Variants in MACF1 observed in about 807,000 individuals in gnomAD.
MACF1 encodes microtubule-actin cross-linking factor 1.
A neutral mutation model predicts 854.8 loss-of-function variants in MACF1; 193 were observed. The observed-to-expected ratio is 0.23, with a 90% CI of 0.20 to 0.25. The LOEUF (loss-of-function observed/expected upper bound fraction) is 0.25. MACF1 is among the 10% of genes least tolerant of loss of function. MACF1 has a pLI of 1.00. For synonymous variants in MACF1, 3,185 were observed against 3,226.7 expected (o/e 0.99, Z 0.44); for missense variants, 7,722 against 8,929.1 (o/e 0.86, Z 5.45).
intron 24 of MACF1, 105 bp downstream of exon 24, chr1:39,309,801 A>C: frequency 8.0e-7 from 1 of 1,250,736 alleles, no homozygotes; most frequent in Non-Finnish European, 1.1e-6. Flanking sequence ...AATGGAGTAA[A>C]GTGGACTCAG....
intron 2 of MACF1, among the ~76,000 whole-genome samples, chr1:39,199,495 G>C (rs1210397375): frequency 6.6e-6 from 1 of 151,902 alleles, no homozygotes; most frequent in African/African-American, 2.4e-5. Context: ...AAAAAAGACA[G>C]AAAAAGCTCA....
intron 74 of MACF1, 37 bp downstream of exon 74, chr1:39,441,362 G>C (rs1329994116): frequency 1.3e-6 from 2 of 1,547,764 alleles, no homozygotes; most frequent in Non-Finnish European, 8.9e-7. Context: ...GGAAATACAG[G>C]TTCTGTTTTT....
chr1:39,140,117 C>G (rs1175961607), intron 2 of MACF1, among the ~76,000 whole-genome samples: 1 of 151,946 alleles, frequency 6.6e-6, no homozygotes, highest in Non-Finnish European at 1.5e-5. Context: ...CTACACCCAG[C>G]TAAATTTTTG....
intron 58 of MACF1, among the ~76,000 whole-genome samples, chr1:39,420,864 A>AT (rs922511626): frequency 0.12 from 15,497 of 133,226 alleles, 1,389 homozygotes; most frequent in African/African-American, 0.23. Flanking sequence ...GAGAAACCCA[A>AT]TTTTTTTTTT....
intron 2 of MACF1, chr1:39,103,110 A>C: frequency 1.9e-6 from 1 of 534,550 alleles, no homozygotes. Flanking sequence ...CCACAACCTA[A>C]AGCAGAAGTT....
intron 2 of MACF1, among the ~76,000 whole-genome samples, chr1:39,232,900 A>G (rs1209052974): frequency 6.6e-6 from 1 of 151,978 alleles, no homozygotes; most frequent in East Asian, 1.9e-4. Context: ...CTCCCACCTC[A>G]TCCTCCTGAG....
intron 2 of MACF1, among the ~76,000 whole-genome samples, chr1:39,166,527 G>T (rs1643884864): frequency 6.6e-6 from 1 of 151,864 alleles, no homozygotes; most frequent in Non-Finnish European, 1.5e-5. Flanking sequence ...TGCGATCTTG[G>T]CTCACTGCAA....
intron 2 of MACF1, among the ~76,000 whole-genome samples, chr1:39,110,129 A>G (rs1428377896): frequency 1.3e-5 from 2 of 151,804 alleles, no homozygotes; most frequent in South Asian, 4.1e-4. Flanking sequence ...ATTGGAAAAT[A>G]TGGGTTGAGG....
chr1:39,429,688 G>C, intron 64 of MACF1, 139 bp from the exon 65 acceptor site: 1 of 823,802 alleles, frequency 1.2e-6, no homozygotes, highest in Admixed American at 2.4e-5. Context: ...TTTGCCCTTA[G>C]TATGGGATAG....
chr1:39,191,413 T>C (rs558161634), intron 2 of MACF1, among the ~76,000 whole-genome samples: 102 of 152,334 alleles, frequency 6.7e-4, no homozygotes, highest in African/African-American at 2.4e-3. Flanking sequence ...TAGATTCATG[T>C]CTGAAGGATT....
chr1:39,093,418 G>A (rs1353210847), intron 2 of MACF1, among the ~76,000 whole-genome samples: 1 of 149,246 alleles, frequency 6.7e-6, no homozygotes, highest in East Asian at 2.0e-4. Flanking sequence ...TGGGTTCAAG[G>A]GATTCTCCTG....
At chr1:39,330,381 G>A (rs1218981554) in intron 36 of MACF1, among the ~76,000 whole-genome samples, 8 of 152,156 alleles carry the variant, frequency 5.3e-5, no homozygotes, top group Non-Finnish European at 8.8e-5. Context: ...GAGCTTCTGG[G>A]CTGCATAAAT....
chr1:39,089,347 T>C (rs930512948), intron 2 of MACF1, among the ~76,000 whole-genome samples: 1 of 152,212 alleles, frequency 6.6e-6, no homozygotes. Context: ...GGGGTTAAGC[T>C]ATGTGCCAGT....
At chr1:39,101,229 C>A (rs528831483) in intron 2 of MACF1, among the ~76,000 whole-genome samples, 2 of 151,424 alleles carry the variant, frequency 1.3e-5, no homozygotes, top group Non-Finnish European at 2.9e-5. Flanking sequence ...TGGTGGCAGG[C>A]GCCTGTAATC....
At chr1:39,163,789 T>C (rs979166573) in intron 2 of MACF1, among the ~76,000 whole-genome samples, 3 of 152,170 alleles carry the variant, frequency 2.0e-5, no homozygotes, top group Non-Finnish European at 1.5e-5. Flanking sequence ...AATTCTTTTT[T>C]TAAGGGGGTG....
At chr1:39,106,672 T>G (rs1186854687) in intron 2 of MACF1, among the ~76,000 whole-genome samples, 1 of 152,148 alleles carries the variant, frequency 6.6e-6, no homozygotes, top group Admixed American at 6.5e-5. Context: ...GACTAGGCCC[T>G]TAGTTTCTTT....
chr1:39,130,431 G>C (rs1009668425), intron 2 of MACF1, among the ~76,000 whole-genome samples: 12 of 152,196 alleles, frequency 7.9e-5, no homozygotes, highest in Admixed American at 5.9e-4. Context: ...CTATGGGAAT[G>C]ATGTGAGTTT....
rs1199760042 is a variant in MACF1 at position 39,182,902 on chromosome 1, T to C, written c.221-48280T>C. Among the ~76,000 whole-genome samples the C allele has an allele frequency of 3.3e-5, 5 of 152,292 alleles. No homozygotes were observed. In the East Asian group the frequency reaches 9.7e-4, roughly 29 times the overall value. On this transcript the variant is annotated intron_variant, in intron 2 of 93. Coordinates refer to the MACF1 transcript ENST00000361689. ...CATATATTCATAGAAAACTCGTACATAAATGTTCATAGCAGCATTATTCAT... is the reference window on the plus strand; with the variant it reads ...CATATATTCATAGAAAACTCGTACACAAATGTTCATAGCAGCATTATTCAT...
At position 39,334,954 on chromosome 1, in the gene MACF1, T is replaced by C. The variant is rs1472559200; in HGVS notation, c.8366T>C (p.Leu2789Pro). The C allele has an allele frequency of 1.2e-6, 2 of 1,614,148 alleles. No individual in the cohort carries two copies. Among genetic ancestry groups the C allele is most frequent in the Non-Finnish European group, 1.7e-6 (2 of 1,179,998 alleles). Residue 2789 changes from leucine to proline, a missense_variant, in exon 37 of 101, where the codon CTA becomes CCA. By Grantham distance (98) the Leu-to-Pro change is moderately conservative. Transcript: ENST00000564288. ...GTGTGTGCATTACAAAATGAATTTC[T>C]AGGAAAGGATATGTTAATTGCTTGT... is the stretch of plus-strand genomic sequence containing the variant. ...IEVCALQNEF[L>P]GKDMLIACNQ... is the part of the protein sequence containing the mutation.
Sources: gnomAD v4.1 joint callset for allele counts (sites outside exome capture counted in the v4.1 genomes callset) on GRCh38, gnomAD v4.1.1 for gene constraint, MANE v1.5 for transcripts, NCBI Gene and HGNC (gene_info 2026-07-23, HGNC 2026-07-21) for gene names.